Variants in TLN2 observed in about 807,000 individuals in gnomAD.
The protein encoded by TLN2 is talin 2.
Under a neutral mutation model 294.7 loss-of-function variants are expected in TLN2, and 118 were observed. That is an observed-to-expected ratio of 0.40 (90% CI 0.34 to 0.47). The LOEUF (loss-of-function observed/expected upper bound fraction) is 0.47. Among genes scored for constraint, TLN2 ranks in the 20% least tolerant of loss-of-function variants. The probability of loss-of-function intolerance (pLI) is 0.84; values close to 1 mark genes in which losing one functional copy is unlikely to be tolerated. For synonymous variants in TLN2, 1,431 were observed against 1,304.5 expected (o/e 1.10, Z -2.09); for missense variants, 3,083 against 3,282.2 (o/e 0.94, Z 1.48).
chr15:62,762,236 G>C (rs200388158), intron 38 of TLN2, 36 bp from the exon 39 acceptor site: 1 of 1,612,062 alleles, frequency 6.2e-7, no homozygotes, highest in Non-Finnish European at 8.5e-7. Context: ...TCATGTCTTC[G>C]ACCCTGACTT....
chr15:62,737,621 A>C (rs931556110), intron 29 of TLN2, among the ~76,000 whole-genome samples: 5 of 152,248 alleles, frequency 3.3e-5, no homozygotes, highest in Admixed American at 2.0e-4. Context: ...CCTTCCTTTT[A>C]ATTGAGGATA....
chr15:62,837,654 C>T (rs2069894784), intron 57 of TLN2, among the ~76,000 whole-genome samples: 1 of 152,184 alleles, frequency 6.6e-6, no homozygotes, highest in African/African-American at 2.4e-5. Flanking sequence ...GTGCAGATCC[C>T]AGCTGTATAA....
intron 3 of TLN2, chr15:62,638,637 A>G (rs1417284396): frequency 4.4e-6 from 2 of 455,808 alleles, no homozygotes; most frequent in Non-Finnish European, 8.8e-6. Context: ...GGAAAATAGT[A>G]TCAAAGGTCT....
At chr15:62,598,307 G>A (rs1365639727) in intron 2 of TLN2, among the ~76,000 whole-genome samples, 2 of 152,162 alleles carry the variant, frequency 1.3e-5, no homozygotes, top group Admixed American at 6.5e-5. Context: ...GGTGGGAAAA[G>A]ACTTCTCTGT....
At chr15:62,465,022 C>A (rs1259307980) in intron 1 of TLN2, among the ~76,000 whole-genome samples, 1 of 150,994 alleles carries the variant, frequency 6.6e-6, no homozygotes, top group South Asian at 2.1e-4. Flanking sequence ...AGTCTTTTTT[C>A]CCCCCTTAAA....
chr15:62,491,087 C>T (rs1208964715), intron 1 of TLN2, among the ~76,000 whole-genome samples: 5 of 152,104 alleles, frequency 3.3e-5, no homozygotes, highest in African/African-American at 9.6e-5. Flanking sequence ...TGTGGGAGGC[C>T]GAGGCAGGCA....
At chr15:62,413,091 A>T (rs2140257396) in intron 1 of TLN2, among the ~76,000 whole-genome samples, 1 of 152,314 alleles carries the variant, frequency 6.6e-6, no homozygotes, top group Non-Finnish European at 1.5e-5. Flanking sequence ...TCCAGGGAGA[A>T]TTGAAATCTT....
At chr15:62,455,371 G>C (rs1020938463) in intron 1 of TLN2, among the ~76,000 whole-genome samples, 7 of 152,140 alleles carry the variant, frequency 4.6e-5, no homozygotes, top group African/African-American at 1.7e-4. Context: ...CAGTGGGAGA[G>C]GGTGTTCGGG....
At chr15:62,782,645 C>T (rs2064279685) in intron 44 of TLN2, among the ~76,000 whole-genome samples, 1 of 152,200 alleles carries the variant, frequency 6.6e-6, no homozygotes, top group Non-Finnish European at 1.5e-5. Flanking sequence ...CACCTGTTGG[C>T]AGGTCGCAGT....
At chr15:62,431,544 G>A (rs1301989856) in intron 1 of TLN2, among the ~76,000 whole-genome samples, 1 of 152,222 alleles carries the variant, frequency 6.6e-6, no homozygotes, top group African/African-American at 2.4e-5. Context: ...GTTTCTCAGG[G>A]TTTGTGCCTG....
At chr15:62,479,781 C>A (rs773158187) in intron 1 of TLN2, among the ~76,000 whole-genome samples, 1 of 152,198 alleles carries the variant, frequency 6.6e-6, no homozygotes, top group Non-Finnish European at 1.5e-5. Context: ...CCACCATGCC[C>A]GGCCTTCTTT....
chr15:62,571,141 C>T (rs1423375161), intron 1 of TLN2, among the ~76,000 whole-genome samples: 1 of 152,134 alleles, frequency 6.6e-6, no homozygotes, highest in Non-Finnish European at 1.5e-5. Flanking sequence ...GCCATTCCTC[C>T]AGTGGTTTTA....
In TLN2 at chr15:62,776,865, G is replaced by A. The variant is rs972100039; in HGVS notation, c.5469G>A (p.Gly1823=). ...TGAACGAAGCTGCCAGTGAAGTGGGGCTGGTTGGGGGCATGGTGGACGCCA... is the reference window on the plus strand; with the variant it reads ...TGAACGAAGCTGCCAGTGAAGTGGGACTGGTTGGGGGCATGGTGGACGCCA... The part of the protein sequence containing the change: ...VTLNEAASEV[G]LVGGMVDAIA... Residue 1823 remains glycine (G), a synonymous_variant, in exon 43 of 59, where the codon GGG becomes GGA. Coordinates refer to ENST00000636159, the MANE Select transcript of TLN2 (RefSeq NM_015059.3). 1.3e-6 allele frequency: 2 copies of A among 1,598,684 alleles called. No individual in the cohort carries two copies. Among genetic ancestry groups the A allele is most frequent in the African/African-American group, 1.4e-5 (1 of 73,808 alleles).
chr15:62,769,543 A>G (rs1440210325), intron 41 of TLN2, among the ~76,000 whole-genome samples: 1 of 152,244 alleles, frequency 6.6e-6, no homozygotes, highest in Admixed American at 6.5e-5. Flanking sequence ...ACCATAGAGG[A>G]AATAACAATG....
chr15:62,404,310 AG>A (rs1285313286), intron 1 of TLN2, among the ~76,000 whole-genome samples: 66 of 152,220 alleles, frequency 4.3e-4, no homozygotes, highest in Non-Finnish European at 1.0e-4. Flanking sequence ...GTACTTAAGC[AG>A]TCTACTTGGC....
intron 52 of TLN2, among the ~76,000 whole-genome samples, chr15:62,810,768 A>G (rs1365896262): frequency 6.6e-6 from 1 of 152,188 alleles, no homozygotes; most frequent in Non-Finnish European, 1.5e-5. Flanking sequence ...GTTTAGAACC[A>G]TGTAAGGTCT....
chr15:62,542,634 G>T (rs2041762787), intron 1 of TLN2, among the ~76,000 whole-genome samples: 1 of 152,104 alleles, frequency 6.6e-6, no homozygotes, highest in African/African-American at 2.4e-5. Flanking sequence ...ATAATTTACT[G>T]GTTTTTGTGA....
At chr15:62,735,856 T>C (rs972986267) in intron 28 of TLN2, among the ~76,000 whole-genome samples, 1 of 152,034 alleles carries the variant, frequency 6.6e-6, no homozygotes, top group Non-Finnish European at 1.5e-5. Context: ...GGAGAATGGG[T>C]CAACAAATAT....
chr15:62,541,460 C>G (rs1191576452), intron 1 of TLN2, among the ~76,000 whole-genome samples: 1 of 152,154 alleles, frequency 6.6e-6, no homozygotes, highest in Non-Finnish European at 1.5e-5. Context: ...GGTTTTGACC[C>G]TGGATGGTGC....
Sources: allele counts gnomAD v4.1 joint callset (sites outside exome capture counted in the v4.1 genomes callset), GRCh38; gene constraint gnomAD v4.1.1; transcripts MANE v1.5; gene names NCBI Gene and HGNC (gene_info 2026-07-23, HGNC 2026-07-21).